The following PLOD3 variants were observed in gnomAD, a reference collection of about 807,000 sequenced individuals.
The protein encoded by PLOD3 is multifunctional procollagen lysine hydroxylase and glycosyltransferase LH3.
In PLOD3, 73 loss-of-function variants were observed where a neutral mutation model predicts 96.9. The observed-to-expected ratio is 0.75, with a 90% CI of 0.62 to 0.92. The LOEUF is 0.92. Among genes scored for constraint, PLOD3 ranks in the 40% least tolerant of loss-of-function variants. The pLI is 0.00. For synonymous variants in PLOD3, 454 were observed against 413.7 expected, an observed-to-expected ratio of 1.10 and a Z score of -1.18; for missense variants, 1,004 against 1,004.3, an observed-to-expected ratio of 1.00 and a Z score of 0.00.
Position 101,215,071 on chromosome 7 carries a change from G to A in PLOD3, c.679+18C>T, listed in dbSNP as rs373589686. 7.5e-6 allele frequency: 12 copies of A among 1,596,666 alleles called. No individual in the cohort carries two copies. The highest frequency in any genetic ancestry group is 3.3e-5 in the South Asian group (3 of 90,714). On this transcript the variant is annotated intron_variant, in intron 6 of 18. Transcript: ENST00000223127. ...CAGAGGCTGCGCATCGCCCACCTGC[G>A]GCTGTCTTCCTCCTCACCTAAAGCC...
Position 101,216,764 on chromosome 7 carries a change from C to T in PLOD3, c.132G>A (p.Val44=). Reference sequence around the variant, plus strand: ...GGTACCCCTCGGTTTCAGCTGTGGCCACAGTGATCACCAGCAGCTTCTCTG... The same window carrying T: ...GGTACCCCTCGGTTTCAGCTGTGGCTACAGTGATCACCAGCAGCTTCTCTG... ...VNPEKLLVIT[V]ATAETEGYLR... Residue 44 remains valine, a synonymous_variant, in exon 2 of 19, where the codon GTG becomes GTA. Coordinates refer to ENST00000223127, the MANE Select transcript of PLOD3 (RefSeq NM_001084.5). The T allele has an allele frequency of 6.2e-7, 1 of 1,613,636 alleles. No homozygotes were observed.
In PLOD3 at chr7:101,213,448, G is replaced by A. The variant is rs117048594; in HGVS notation, c.680-244C>T. The A allele has an allele frequency of 0.022, 12,395 of 569,980 alleles. 203 individuals are homozygous for A. Among genetic ancestry groups the A allele is most frequent in the Middle Eastern group, 0.081 (168 of 2,086 alleles). 35.3% of individuals were successfully genotyped at this position (569,980 alleles called of 1,614,324 possible). A position where few individuals can be genotyped will look rare whatever the true frequency, so the allele number is the denominator to read the frequency against. ...GGCGAGGAAGGGGAGGGTGAGCTGA[G>A]CGGGAGGCCAGTAGGAGCCTCAGCA... On this transcript the variant is annotated intron_variant, in intron 6 of 18. Transcript: ENST00000223127.
Position 101,216,251 on chromosome 7 carries a change from G to C in PLOD3, c.414C>G (p.Phe138Leu). 6.2e-7 allele frequency: 1 copy of C among 1,613,724 alleles called. No individual in the cohort carries two copies. The highest frequency in any genetic ancestry group is 8.5e-7 in the Non-Finnish European group (1 of 1,180,018). The change falls in exon 4 of 19, where the codon TTC (phenylalanine) becomes TTG (leucine). Residue 138 changes from phenylalanine (F) to leucine (L), a missense_variant. This residue lies in a region of PLOD3 where 690 missense variants were observed against 650.2 expected (regional missense o/e 1.06). Coordinates refer to ENST00000223127, the MANE Select transcript of PLOD3 (RefSeq NM_001084.5). ...CGGGCCAGCAGAAGCTCTCTGCAGA[G>C]AAGAGCAGGCGGCTGCCACTCTGGA... is the stretch of plus-strand genomic sequence containing the variant. ...KFVQSGSRLL[F>L]SAESFCWPEW...
At position 101,210,453 on chromosome 7, in the gene PLOD3, G is replaced by A. The variant is rs1188634719; in HGVS notation, c.1501-9C>T. ...AGATGGAGGAAGATGCCCTGTAGTG[G>A]GGTGGGGGTGTCCGTGATGCAGGCG... On this transcript the variant is annotated splice_polypyrimidine_tract_variant and intron_variant, in intron 13 of 18. Transcript: ENST00000223127. The A allele has an allele frequency of 4.3e-6, 7 of 1,613,758 alleles. No homozygotes were observed. The highest frequency in any genetic ancestry group is 3.3e-5 in the South Asian group (3 of 91,074).
At chr7:101,215,226 CTCTT>C (rs1554378961) in intron 5 of PLOD3, 74 bp from the exon 6 acceptor site, 15 of 1,111,500 alleles carry the variant, frequency 1.3e-5, no homozygotes, top group Non-Finnish European at 2.1e-5. Flanking sequence ...ACTTTTCTCT[CTCTT>C]TTTTTCTTCT....
At chr7:101,215,797 C>G (rs1281515552) in intron 5 of PLOD3, 111 bp downstream of exon 5, 9 of 774,468 alleles carry the variant, frequency 1.2e-5, no homozygotes, top group Non-Finnish European at 2.0e-5. Context: ...CCACCACGCC[C>G]AGGCACACAT....
In PLOD3 at chr7:101,216,403, C is replaced by G. The variant is rs745944715; in HGVS notation, c.338+7G>C. The G allele has an allele frequency of 1.2e-6, 2 of 1,614,026 alleles. No homozygotes were observed. The highest frequency in any genetic ancestry group is 3.3e-5 in the Admixed American group (2 of 59,994). On this transcript the variant is annotated splice_region_variant and intron_variant, in intron 3 of 18. Coordinates refer to ENST00000223127, the MANE Select transcript of PLOD3 (RefSeq NM_001084.5). ...CTTACCCCGCTCCCTATCCCCAGCC[C>G]CGTTACCTATCCACAAACATGATGA... is the stretch of plus-strand genomic sequence containing the variant.
rs1798111069 is a variant in PLOD3 at position 101,207,681 on chromosome 7, T to C, written c.1832A>G (p.Asp611Gly). ...GTACCCCACCTGCTTCATGTGGATG[T>C]CCACGGTGGGCACATTCTCGTAGCC... Reference protein sequence around the residue: ...AGGYENVPTVDIHMKQVGYED... With the variant: ...AGGYENVPTVGIHMKQVGYED... The change falls in exon 17 of 19, where the codon GAC becomes GGC. Residue 611 changes from aspartate to glycine, a missense_variant. Asp to Gly is a moderately conservative substitution (Grantham distance 94). Around this residue, in one of 5 missense-constraint regions of PLOD3, gnomAD observed 222 missense variants for 220.4 expected, o/e 1.01. Coordinates refer to ENST00000223127, the MANE Select transcript of PLOD3 (RefSeq NM_001084.5). The C allele has an allele frequency of 6.2e-7, 1 of 1,613,836 alleles. No individual in the cohort carries two copies. Among genetic ancestry groups the C allele is most frequent in the Non-Finnish European group, 8.5e-7 (1 of 1,179,896 alleles).
rs749921338 is a variant in PLOD3, at chr7:101,211,595, G to C, written c.1354C>G (p.Arg452Gly). 3 of 1,599,398 alleles carry C rather than the reference G, an allele frequency of 1.9e-6. No individual in the cohort carries two copies. Among genetic ancestry groups the C allele is most frequent in the Non-Finnish European group, 2.6e-6 (3 of 1,174,000 alleles). The change falls in exon 12 of 19, where the codon CGA becomes GGA. Residue 452 changes from arginine (R) to glycine (G), a missense_variant. By Grantham distance (125) the Arg-to-Gly change is moderately radical (BLOSUM62 -2). Around this residue, in one of 5 missense-constraint regions of PLOD3, gnomAD observed 690 missense variants for 650.2 expected, o/e 1.06. Transcript: ENST00000223127. ...EDYVELVQRK[R>G]VGVWNVPYIS... The stretch of plus-strand genomic sequence containing the variant: ...CTGCAGGCTGGCGGGACTCACACTC[G>C]CTTCCGCTGCACCAGCTCCACGTAG...
rs1439253833 is a variant in PLOD3 at position 101,216,499 on chromosome 7, T to G, written c.249A>C (p.Thr83=). The G allele has an allele frequency of 6.2e-7, 1 of 1,614,024 alleles. No individual in the cohort carries two copies. Among genetic ancestry groups the G allele is most frequent in the South Asian group, 1.1e-5 (1 of 91,082 alleles). Residue 83 remains threonine (T), a synonymous_variant, in exon 3 of 19, where the codon ACA becomes ACC. Transcript: ENST00000223127. The part of the protein sequence containing the change: ...EEWRGGDVAR[T]VGGGQKVRWL... ...ACCGGACCTTCTGTCCTCCACCAACTGTTCGAGCCACATCACCCCCTCGCC... is the reference window on the plus strand; with the variant it reads ...ACCGGACCTTCTGTCCTCCACCAACGGTTCGAGCCACATCACCCCCTCGCC...
Position 101,215,998 on chromosome 7 carries a change from G to A in PLOD3, c.525C>T (p.Thr175=). ...NSGGFIGFAT[T]IHQIVRQWKY... The stretch of plus-strand genomic sequence containing the variant: ...TCCACTGGCGCACGATTTGGTGGAT[G>A]GTGGTGGCAAAACCGATGAATCCTG... Residue 175 remains threonine, a synonymous_variant, in exon 5 of 19, where the codon ACC becomes ACT. Transcript: ENST00000223127. The A allele has an allele frequency of 6.2e-7, 1 of 1,614,088 alleles. No individual in the cohort carries two copies. Among genetic ancestry groups the A allele is most frequent in the Non-Finnish European group, 8.5e-7 (1 of 1,179,958 alleles).
At chr7:101,215,453 T>C (rs1005292724) in intron 5 of PLOD3, among the ~76,000 whole-genome samples, 69 of 152,300 alleles carry the variant, frequency 4.5e-4, no homozygotes, top group African/African-American at 1.6e-3. Flanking sequence ...TCTCAGGTGA[T>C]CCACCCGCCT....
chr7:101,215,098 C>G lies in PLOD3; in HGVS notation c.670G>C (p.Gly224Arg), dbSNP rs377578690. ...HKSRIFQNLN[G>R]ALDEVVLKFD... ...CTGTCTTCCTCCTCACCTAAAGCCC[C>G]GTTGAGGTTCTGAAAGATCCGAGAC... The change falls in exon 6 of 19, where the codon GGG becomes CGG. Residue 224 changes from glycine to arginine, a missense_variant. By Grantham distance (125) the Gly-to-Arg change is moderately radical. Coordinates refer to ENST00000223127, the MANE Select transcript of PLOD3 (RefSeq NM_001084.5). The G allele has an allele frequency of 1.3e-4, 214 of 1,612,138 alleles. No homozygotes were observed. Among genetic ancestry groups the G allele is most frequent in the Non-Finnish European group, 1.6e-4 (192 of 1,178,200 alleles).
Position 101,217,222 on chromosome 7 carries a change from AGCAGCAGCG to A in PLOD3, c.44_52del (p.Pro15_Leu17del), listed in dbSNP as rs1198782086. On this transcript the variant is annotated inframe_deletion, in exon 1 of 19. Transcript: ENST00000223127. ...GTCGGAGGCTGAGGCCGCAGGGGGC[AGCAGCAGCG>A]GCAGCAGCAGCAGGAACCGGGGTCC... 1.9e-5 allele frequency: 28 copies of A among 1,498,732 alleles called. No homozygotes were observed. Among genetic ancestry groups the A allele is most frequent in the African/African-American group, 2.9e-5 (2 of 70,010 alleles). 92.8% of individuals were successfully genotyped at this position (1,498,732 alleles called of 1,614,324 possible).
In PLOD3 at chr7:101,209,552, G is replaced by GT. The variant is rs11295764; in HGVS notation, c.1683+540dup. ...GCCATCACACCTGACTAATTTTTGT[G>GT]TTTTTTTTTTTTTTTTTTTTGGTAG... On this transcript the variant is annotated intron_variant, in intron 15 of 18. Transcript: ENST00000223127. Among the ~76,000 whole-genome samples, 998 of 110,276 alleles carry GT rather than the reference G, an allele frequency of 9.1e-3. 8 individuals are homozygous for GT. The highest frequency in any genetic ancestry group is 0.013 in the African/African-American group (368 of 29,132). 72.3% of individuals were successfully genotyped at this position (110,276 alleles called of 152,430 possible).
At chr7:101,212,095 G>T (rs1363122521) in intron 10 of PLOD3, 145 bp from the exon 11 acceptor site, 1 of 1,100,758 alleles carries the variant, frequency 9.1e-7, no homozygotes, top group Non-Finnish European at 1.3e-6. Context: ...GAGCTGGCAA[G>T]GGCAGGAGTG....
At chr7:101,212,137 G>A in intron 10 of PLOD3, 116 bp downstream of exon 10, 1 of 1,372,732 alleles carries the variant, frequency 7.3e-7, no homozygotes, top group Non-Finnish European at 1.0e-6. Context: ...TGCGAATGGG[G>A]AGGCCCAGGA....
rs376891697 is a variant in PLOD3 at position 101,208,394 on chromosome 7, AC to A, written c.1788+458del. On this transcript the variant is annotated intron_variant, in intron 16 of 18. Coordinates refer to ENST00000223127, the MANE Select transcript of PLOD3 (RefSeq NM_001084.5). Reference sequence around the variant, plus strand: ...GTAGCTGGGACTACAGGCGCCCGCCACCATGCCCGGCTAATTTTGTGTTTTT... The same window carrying A: ...GTAGCTGGGACTACAGGCGCCCGCCACATGCCCGGCTAATTTTGTGTTTTT... Among the ~76,000 whole-genome samples the A allele has an allele frequency of 1.6e-3, 237 of 152,238 alleles. 1 individual carries two copies. Among genetic ancestry groups the A allele is most frequent in the African/African-American group, 5.5e-3 (227 of 41,544 alleles).
chr7:101,206,942 C>A, intron 17 of PLOD3, 38 bp from the exon 18 acceptor site: 1 of 1,549,610 alleles, frequency 6.5e-7, no homozygotes, highest in Non-Finnish European at 8.7e-7. Context: ...GGGACAGCTG[C>A]GGGCGCAGGG....
Sources: allele counts gnomAD v4.1 joint callset (sites outside exome capture counted in the v4.1 genomes callset), GRCh38; gene constraint gnomAD v4.1.1; regional missense constraint gnomAD v4.1.1; transcripts MANE v1.5; gene names NCBI Gene and HGNC (gene_info 2026-07-23, HGNC 2026-07-21).